IL1RAP: variants seen among roughly 807,000 people sequenced by gnomAD.
IL1RAP encodes interleukin-1 receptor accessory protein.
In IL1RAP, 35 loss-of-function variants were observed where a neutral mutation model predicts 60.7. The ratio of observed to expected loss-of-function variants is 0.58; its 90% CI spans 0.44 to 0.76. The LOEUF is 0.76. Among genes scored for constraint, IL1RAP ranks in the 30% least tolerant of loss-of-function variants. The pLI is 0.00. For missense variants in IL1RAP, 572 were observed against 693.9 expected (o/e 0.82, Z 1.97); for synonymous variants, 268 against 250.9 (o/e 1.07, Z -0.64).
At chr3:190,642,563 T>C (rs1041974422) in intron 9 of IL1RAP, 1 of 152,184 alleles carries the variant, frequency 6.6e-6, no homozygotes, top group South Asian at 2.1e-4. Context: ...ACATTTAACA[T>C]CTACAATGTT....
At chr3:190,583,483 C>A (rs1321186153) in intron 3 of IL1RAP, among the ~76,000 whole-genome samples, 1 of 152,192 alleles carries the variant, frequency 6.6e-6, no homozygotes, top group Non-Finnish European at 1.5e-5. Flanking sequence ...TCATGCCACC[C>A]CATTAGAAAC....
exon 12 of IL1RAP, chr3:190,658,256 A>G (rs1485630743): frequency 2.0e-5 from 3 of 152,206 alleles, no homozygotes; most frequent in Non-Finnish European, 4.4e-5. Flanking sequence ...TGTGGGACAT[A>G]GTTAGCCTGA....
chr3:190,515,232 C>CTT (rs1721408633), intron 1 of IL1RAP, among the ~76,000 whole-genome samples: 1 of 119,136 alleles, frequency 8.4e-6, no homozygotes, highest in African/African-American at 4.2e-5. Context: ...TTTCTTTCTT[C>CTT]CTTTTTTTTT....
At chr3:190,597,895 A>G (rs1251863947) in intron 3 of IL1RAP, among the ~76,000 whole-genome samples, 2 of 152,110 alleles carry the variant, frequency 1.3e-5, no homozygotes, top group Non-Finnish European at 2.9e-5. Context: ...ACTATTAATT[A>G]TTGCCCAGGG....
intron 1 of IL1RAP, among the ~76,000 whole-genome samples, chr3:190,550,112 G>A (rs1027064068): frequency 6.6e-6 from 1 of 152,186 alleles, no homozygotes; most frequent in Non-Finnish European, 1.5e-5. Context: ...AACAGGGGGG[G>A]CTTAGAGAAT....
intron 9 of IL1RAP, among the ~76,000 whole-genome samples, chr3:190,640,695 G>C (rs1733594489): frequency 6.6e-6 from 1 of 152,116 alleles, no homozygotes; most frequent in Non-Finnish European, 1.5e-5. Flanking sequence ...ATTTCCTAGA[G>C]AAACGTGATT....
intron 11 of IL1RAP, among the ~76,000 whole-genome samples, chr3:190,646,779 G>A (rs1232867946): frequency 6.6e-6 from 1 of 151,972 alleles, no homozygotes; most frequent in Non-Finnish European, 1.5e-5. Flanking sequence ...AATTGAGATA[G>A]ACTTGAAATT....
intron 9 of IL1RAP, among the ~76,000 whole-genome samples, chr3:190,641,952 CATT>C (rs1733691220): frequency 1.3e-5 from 2 of 152,098 alleles, no homozygotes; most frequent in Non-Finnish European, 2.9e-5. Context: ...TTTAAGGTGC[CATT>C]ATTCATGGAA....
At chr3:190,624,396 T>G (rs1175650050) in intron 7 of IL1RAP, among the ~76,000 whole-genome samples, 1 of 152,222 alleles carries the variant, frequency 6.6e-6, no homozygotes, top group Non-Finnish European at 1.5e-5. Flanking sequence ...TTGTGCAAGA[T>G]AGTGGTGCTC....
intron 9 of IL1RAP, among the ~76,000 whole-genome samples, chr3:190,637,806 A>G (rs1176800975): frequency 6.6e-6 from 1 of 151,374 alleles, no homozygotes; most frequent in East Asian, 1.9e-4. Context: ...AAACAATACA[A>G]CTGTTTTTAT....
rs1243378842 is a variant in IL1RAP at position 190,627,327 on chromosome 3, G to A, written c.780G>A (p.Glu260=). ...TTTTTTGGTTTTTTTTTTCAGGAGA[G>A]GAGCTACTCATTCCCTGTACGGTCT... ...DHVVYEKEPG[E]ELLIPCTVYF... The change falls in exon 8 of 12, where the codon GAG becomes GAA. Residue 260 remains glutamate, a synonymous_variant. Transcript: ENST00000447382. The A allele has an allele frequency of 3.8e-6, 6 of 1,583,756 alleles. No homozygotes were observed. The highest frequency in any genetic ancestry group is 2.2e-5 in the East Asian group (1 of 44,606).
rs895089653 is a variant in IL1RAP, at chr3:190,568,155, A to G, written c.64+3802A>G. 2.6e-5 allele frequency among the ~76,000 whole-genome samples: 4 copies of G among 152,328 alleles called. No individual in the cohort carries two copies. The South Asian group carries it at 8.3e-4, about 32-fold the overall frequency. Reference sequence around the variant, plus strand: ...ATGCAGGCACACACACGGATCTTTGAGAAAGATTTTATTTCAAAGTCAACA... The same window carrying G: ...ATGCAGGCACACACACGGATCTTTGGGAAAGATTTTATTTCAAAGTCAACA... On this transcript the variant is annotated intron_variant, in intron 3 of 11. Coordinates refer to ENST00000447382, the MANE Select transcript of IL1RAP (RefSeq NM_002182.4).
Position 190,650,702 on chromosome 3 carries a change from A to G in IL1RAP, c.*1997A>G, listed in dbSNP as rs544198068. On this transcript the variant is annotated 3_prime_UTR_variant, in exon 12 of 12. Coordinates refer to ENST00000447382, the MANE Select transcript of IL1RAP (RefSeq NM_002182.4). ...AAGTAGAAAAGTAGGTCATTCTTGG[A>G]TCTACTTTTTTTTAGCCTTATTAAT... 221 of 973,926 alleles carry G rather than the reference A, an allele frequency of 2.3e-4. No individual in the cohort carries two copies. The African/African-American group carries it at 3.6e-3, about 16-fold the overall frequency. 60.3% of individuals were successfully genotyped at this position (973,926 alleles called of 1,614,324 possible). A position where few individuals can be genotyped will look rare whatever the true frequency, so the allele number is the denominator to read the frequency against.
intron 3 of IL1RAP, among the ~76,000 whole-genome samples, chr3:190,587,307 A>T (rs919372629): frequency 2.0e-5 from 3 of 152,220 alleles, no homozygotes; most frequent in African/African-American, 7.2e-5. Flanking sequence ...TCTATGCTTC[A>T]TGCTCGTCAT....
At chr3:190,530,766 G>A (rs1282202299) in intron 1 of IL1RAP, among the ~76,000 whole-genome samples, 1 of 152,106 alleles carries the variant, frequency 6.6e-6, no homozygotes, top group Admixed American at 6.5e-5. Context: ...TAAGACTTTG[G>A]GGCTTTACTG....
At chr3:190,523,820 G>A (rs1371550503) in intron 1 of IL1RAP, among the ~76,000 whole-genome samples, 1 of 152,110 alleles carries the variant, frequency 6.6e-6, no homozygotes, top group African/African-American at 2.4e-5. Context: ...ATAGTGCTCA[G>A]TGAACATACA....
chr3:190,604,016 G>C, intron 3 of IL1RAP, 112 bp from the exon 4 acceptor site: 1 of 1,060,222 alleles, frequency 9.4e-7, no homozygotes, highest in Middle Eastern at 2.1e-4. Context: ...AAGATGACCA[G>C]AGAAAGAGGT....
At chr3:190,636,982 T>C (rs1733276393) in intron 9 of IL1RAP, among the ~76,000 whole-genome samples, 1 of 152,144 alleles carries the variant, frequency 6.6e-6, no homozygotes, top group African/African-American at 2.4e-5. Context: ...CTAGAGTTTA[T>C]AATATTTTTC....
intron 3 of IL1RAP, among the ~76,000 whole-genome samples, chr3:190,577,787 T>G (rs908499854): frequency 2.6e-5 from 4 of 152,150 alleles, no homozygotes; most frequent in African/African-American, 4.8e-5. Flanking sequence ...CTGAGTGATC[T>G]TCTTGTGTTG....
Sources: gnomAD v4.1 joint callset for allele counts (sites outside exome capture counted in the v4.1 genomes callset) on GRCh38, gnomAD v4.1.1 for gene constraint, MANE v1.5 for transcripts, NCBI Gene and HGNC (gene_info 2026-07-23, HGNC 2026-07-21) for gene names.